Variants in CCDC91 observed in about 807,000 individuals in gnomAD.
The protein encoded by CCDC91 is coiled-coil domain containing 91.
Under a neutral mutation model 63.2 loss-of-function variants are expected in CCDC91, and 48 were observed. The observed-to-expected ratio is 0.76, with a 90% CI of 0.60 to 0.97. The LOEUF is 0.97. Among genes scored for constraint, CCDC91 ranks in the 50% least tolerant of loss-of-function variants. The probability of loss-of-function intolerance (pLI) is 0.00; values close to 1 mark genes in which losing one functional copy is unlikely to be tolerated. For synonymous variants in CCDC91, 167 were observed against 165.8 expected (o/e 1.01, Z -0.06); for missense variants, 500 against 494.6 (o/e 1.01, Z -0.10).
intron 12 of CCDC91, 171 bp downstream of exon 12, chr12:28,484,336 T>C (rs761694619): frequency 5.5e-5 from 20 of 365,882 alleles, no homozygotes; most frequent in Non-Finnish European, 7.9e-5. Context: ...GTTATGTCTA[T>C]AAACATAAAT....
rs185770642 is a variant in CCDC91, at chr12:28,363,652, G to A, written c.654+1137G>A. Among the ~76,000 whole-genome samples, 445 of 152,162 alleles carry A rather than the reference G, an allele frequency of 2.9e-3. 2 individuals are homozygous for A. Among genetic ancestry groups the A allele is most frequent in the Non-Finnish European group, 5.2e-3 (351 of 67,998 alleles). On this transcript the variant is annotated intron_variant, in intron 7 of 12. Coordinates refer to ENST00000536442, the MANE Select transcript of CCDC91 (RefSeq NM_018318.5). ...TAATCCCAGCACTTCGGGAGGCCGA[G>A]GCAGGTGGATCACAGGAGATCGAGA...
chr12:28,323,645 C>T (rs546354343), intron 6 of CCDC91, among the ~76,000 whole-genome samples: 2 of 151,750 alleles, frequency 1.3e-5, no homozygotes, highest in Non-Finnish European at 2.9e-5. Flanking sequence ...AACCCTGTTG[C>T]GATTTTGATA....
intron 3 of CCDC91, among the ~76,000 whole-genome samples, chr12:28,304,375 T>TCAAAAAAAAAAAA: frequency 1.4e-5 from 1 of 73,584 alleles, no homozygotes; most frequent in Non-Finnish European, 2.5e-5. Context: ...AGACTCCGTC[T>TCAAAAAAAAAAAA]AAAAAAAAAA....
chr12:28,441,647 T>G (rs535069593), intron 8 of CCDC91, among the ~76,000 whole-genome samples: 36 of 147,572 alleles, frequency 2.4e-4, no homozygotes, highest in African/African-American at 9.3e-4. Flanking sequence ...TATCTCTCTC[T>G]CATATGTGTA....
intron 1 of CCDC91, among the ~76,000 whole-genome samples, chr12:28,227,595 AC>A (rs1390146514): frequency 6.6e-6 from 1 of 151,924 alleles, no homozygotes; most frequent in Non-Finnish European, 1.5e-5. Flanking sequence ...GCCTTTTTGT[AC>A]CCAAACTTGC....
At chr12:28,279,896 T>TC (rs1302981885) in intron 3 of CCDC91, among the ~76,000 whole-genome samples, 21 of 146,136 alleles carry the variant, frequency 1.4e-4, no homozygotes, top group African/African-American at 5.1e-4. Flanking sequence ...TACGATGCAG[T>TC]GTTCATACAC....
At chr12:28,430,731 T>C (rs1180354855) in intron 8 of CCDC91, among the ~76,000 whole-genome samples, 2 of 152,152 alleles carry the variant, frequency 1.3e-5, no homozygotes, top group Non-Finnish European at 2.9e-5. Context: ...GAGAAATATT[T>C]CTAGACATCT....
intron 12 of CCDC91, among the ~76,000 whole-genome samples, chr12:28,495,912 T>C (rs1400623130): frequency 6.6e-6 from 1 of 151,606 alleles, no homozygotes; most frequent in East Asian, 2.0e-4. Context: ...CACTATGAAC[T>C]ACCAGATTTT....
chr12:28,276,664 G>C (rs1948248385), intron 3 of CCDC91, among the ~76,000 whole-genome samples: 2 of 151,814 alleles, frequency 1.3e-5, no homozygotes, highest in African/African-American at 4.8e-5. Context: ...TGGGGCAAAT[G>C]ATTTTTTTCA....
chr12:28,257,158 G>T, intron 1 of CCDC91, 44 bp from the exon 2 acceptor site: 1 of 1,135,288 alleles, frequency 8.8e-7, no homozygotes, highest in South Asian at 1.3e-5. Context: ...TGACATAAAT[G>T]ACTGTGTGTG....
At chr12:28,316,946 C>T (rs1939954621) in intron 6 of CCDC91, among the ~76,000 whole-genome samples, 1 of 151,668 alleles carries the variant, frequency 6.6e-6, no homozygotes, top group Admixed American at 6.6e-5. Context: ...TTTTTTGGGC[C>T]CACTGACTCC....
intron 6 of CCDC91, among the ~76,000 whole-genome samples, chr12:28,327,902 A>G (rs934450858): frequency 1.3e-5 from 2 of 152,156 alleles, no homozygotes; most frequent in African/African-American, 4.8e-5. Flanking sequence ...TTCTGACCTC[A>G]GGCATCCTGT....
At chr12:28,407,961 TATA>T (rs1211487144) in intron 8 of CCDC91, among the ~76,000 whole-genome samples, 1 of 124,550 alleles carries the variant, frequency 8.0e-6, no homozygotes, top group Admixed American at 8.3e-5. Context: ...CATATATATA[TATA>T]TTTTTTTTAT....
intron 6 of CCDC91, among the ~76,000 whole-genome samples, chr12:28,309,696 TA>T (rs1424200016): frequency 1.3e-5 from 2 of 152,098 alleles, no homozygotes; most frequent in Non-Finnish European, 2.9e-5. Flanking sequence ...ATGAACAGAA[TA>T]AATCTTTGGT....
intron 3 of CCDC91, among the ~76,000 whole-genome samples, chr12:28,270,983 A>T (rs1947730265): frequency 6.6e-6 from 1 of 152,164 alleles, no homozygotes; most frequent in Non-Finnish European, 1.5e-5. Context: ...CCGAAATTAA[A>T]TAATTATTCA....
chr12:28,414,365 A>T (rs1947511380), intron 8 of CCDC91, among the ~76,000 whole-genome samples: 3 of 152,150 alleles, frequency 2.0e-5, no homozygotes, highest in African/African-American at 7.2e-5. Flanking sequence ...TGTGTAGGGG[A>T]AGGAAGAAGG....
intron 12 of CCDC91, among the ~76,000 whole-genome samples, chr12:28,534,568 A>G (rs1377165028): frequency 2.0e-5 from 3 of 152,114 alleles, no homozygotes; most frequent in African/African-American, 7.2e-5. Flanking sequence ...TTTCCTGTCT[A>G]CGGGACATGT....
chr12:28,208,967 AT>A (rs879802005), intron 1 of CCDC91, among the ~76,000 whole-genome samples: 112 of 145,054 alleles, frequency 7.7e-4, no homozygotes, highest in East Asian at 4.0e-3. Context: ...TGCCCGGCTA[AT>A]TTTTTTTTTT....
At chr12:28,510,200 A>G (rs1486916457) in intron 12 of CCDC91, among the ~76,000 whole-genome samples, 1 of 139,400 alleles carries the variant, frequency 7.2e-6, no homozygotes, top group Non-Finnish European at 1.7e-5. Context: ...AATAGTTGGT[A>G]TATTAGGATT....
Sources: gnomAD v4.1 joint callset for allele counts (sites outside exome capture counted in the v4.1 genomes callset) on GRCh38, gnomAD v4.1.1 for gene constraint, MANE v1.5 for transcripts, NCBI Gene and HGNC (gene_info 2026-07-23, HGNC 2026-07-21) for gene names.